Variants in TRAP1 observed in about 807,000 individuals in gnomAD.
The protein encoded by TRAP1 is heat shock protein 75 kDa, mitochondrial.
Under a neutral mutation model 89.1 loss-of-function variants are expected in TRAP1, and 102 were observed. That is an observed-to-expected ratio of 1.15 (90% CI 0.98 to 1.35). The LOEUF (loss-of-function observed/expected upper bound fraction) is 1.35, where lower values mean the gene tolerates loss of function less well. Ranked by LOEUF, TRAP1 falls within the 40% of genes most tolerant of loss-of-function variation. TRAP1 has a pLI of 0.00. For missense variants in TRAP1, 1,256 were observed against 945.3 expected, an observed-to-expected ratio of 1.33 and a Z score of -4.31; for synonymous variants, 508 against 388.0, an observed-to-expected ratio of 1.31 and a Z score of -3.64.
At chr16:3,661,180 T>TA (rs1212852723) in intron 16 of TRAP1, 1 of 152,116 alleles carries the variant, frequency 6.6e-6, no homozygotes, top group African/African-American at 2.4e-5. Context: ...ACCAGAACCC[T>TA]ACAGAGAATG....
intron 1 of TRAP1, among the ~76,000 whole-genome samples, chr16:3,709,909 CA>C (rs1399839041): frequency 1.3e-5 from 2 of 152,308 alleles, no homozygotes; most frequent in East Asian, 3.9e-4. Flanking sequence ...CTCAGCCTGC[CA>C]AAGTGCTGGG....
chr16:3,697,416 G>T (rs1362331931), intron 1 of TRAP1, among the ~76,000 whole-genome samples: 1 of 152,042 alleles, frequency 6.6e-6, no homozygotes, highest in African/African-American at 2.4e-5. Context: ...TGTAATCCCA[G>T]CACTTTGGGA....
rs777291656 is a variant in TRAP1, at chr16:3,664,369, C to T, written c.1474G>A (p.Ala492Thr). The change falls in exon 13 of 18, where the codon GCC becomes ACC. Residue 492 changes from alanine to threonine, a missense_variant. Physicochemically the swap from Ala to Thr is moderately conservative, Grantham distance 58. Transcript: ENST00000246957. ...AGGTAGTAGATGTTGCGGGTGCCGG[C>T]CCGCATGCGGCTGGCGTATTCTGAG... ...SLSEYASRMR[A>T]GTRNIYYLCA... 5.6e-6 allele frequency: 9 copies of T among 1,612,818 alleles called. No homozygotes were observed. Among genetic ancestry groups the T allele is most frequent in the African/African-American group, 2.7e-5 (2 of 74,914 alleles).
intron 9 of TRAP1, 32 bp downstream of exon 9, chr16:3,674,307 C>G: frequency 6.2e-7 from 1 of 1,611,306 alleles, no homozygotes; most frequent in Non-Finnish European, 8.5e-7. Context: ...CAGAGTCACC[C>G]TGAGGGCCGT....
At chr16:3,703,464 C>T (rs552440401) in intron 1 of TRAP1, among the ~76,000 whole-genome samples, 1 of 151,942 alleles carries the variant, frequency 6.6e-6, no homozygotes, top group South Asian at 2.1e-4. Flanking sequence ...GGTAGAACAG[C>T]GGTTTGCACA....
chr16:3,713,280 C>T (rs1374358394), intron 1 of TRAP1, among the ~76,000 whole-genome samples: 1 of 152,144 alleles, frequency 6.6e-6, no homozygotes, highest in Non-Finnish European at 1.5e-5. Flanking sequence ...AGGGAGGAGG[C>T]AAAACCCGTC....
chr16:3,713,321 A>AGCAG (rs1034898844), intron 1 of TRAP1, among the ~76,000 whole-genome samples: 30 of 152,336 alleles, frequency 2.0e-4, no homozygotes, highest in African/African-American at 7.0e-4. Context: ...GGGAGGGCGC[A>AGCAG]GCAGGCAGGC....
chr16:3,669,503 CTAG>C (rs1395961033), intron 11 of TRAP1, among the ~76,000 whole-genome samples: 1 of 152,108 alleles, frequency 6.6e-6, no homozygotes, highest in African/African-American at 2.4e-5. Context: ...AACCCCACCC[CTAG>C]TATTCTATCC....
chr16:3,716,966 A>C (rs1596765691), intron 1 of TRAP1, among the ~76,000 whole-genome samples: 1 of 152,192 alleles, frequency 6.6e-6, no homozygotes, highest in African/African-American at 2.4e-5. Context: ...TTAACAAATG[A>C]ACCCTCAGTG....
rs1366793494 is a variant in TRAP1 at position 3,674,471 on chromosome 16, C to T, written c.912G>A (p.Lys304=). ...CCTCATGTTGCCACTCACGGACATC[C>T]TTGGGGTCCATCATCCAGATGGCCT... The part of the protein sequence containing the change: ...TLQAIWMMDP[K]DVREWQHEEF... Residue 304 remains lysine (K), a synonymous_variant, in exon 9 of 18, where the codon AAG becomes AAA. Transcript: ENST00000246957. The T allele has an allele frequency of 1.9e-6, 3 of 1,613,882 alleles. No individual in the cohort carries two copies. Among genetic ancestry groups the T allele is most frequent in the Admixed American group, 1.7e-5 (1 of 59,990 alleles).
At chr16:3,659,121 G>C (rs1475455296) in intron 16 of TRAP1, 22 of 418,876 alleles carry the variant, frequency 5.3e-5, no homozygotes, top group Non-Finnish European at 9.4e-5. Context: ...AGGGACAAAA[G>C]GAGCTTAGTA....
chr16:3,658,274 C>T, intron 17 of TRAP1, 44 bp from the exon 18 acceptor site: 1 of 1,473,696 alleles, frequency 6.8e-7, no homozygotes. Context: ...GCATGGGGCA[C>T]CTTTTCATTT....
intron 1 of TRAP1, among the ~76,000 whole-genome samples, chr16:3,697,191 A>C (rs1294304696): frequency 6.6e-6 from 1 of 152,174 alleles, no homozygotes; most frequent in Non-Finnish European, 1.5e-5. Flanking sequence ...TGGTCAGATA[A>C]AATTTTCACT....
At chr16:3,672,926 C>T (rs1468468400) in intron 9 of TRAP1, 106 bp from the exon 10 acceptor site, 20 of 1,436,096 alleles carry the variant, frequency 1.4e-5, no homozygotes, top group South Asian at 1.3e-4. Context: ...ACTCCCGCCT[C>T]GCCCTCCCCC....
At chr16:3,711,547 C>T (rs1467933240) in intron 1 of TRAP1, among the ~76,000 whole-genome samples, 2 of 151,296 alleles carry the variant, frequency 1.3e-5, no homozygotes, top group Non-Finnish European at 2.9e-5. Context: ...TGCAGTGAGC[C>T]GAGTTCGTGC....
intron 1 of TRAP1, among the ~76,000 whole-genome samples, chr16:3,710,162 C>T (rs972868698): frequency 1.3e-5 from 2 of 152,142 alleles, no homozygotes; most frequent in Non-Finnish European, 2.9e-5. Flanking sequence ...GAACAAAAAG[C>T]GAAAGGGCAC....
chr16:3,661,789 C>CTCA (rs2043090758), intron 16 of TRAP1, 198 bp downstream of exon 16: 1 of 572,836 alleles, frequency 1.7e-6, no homozygotes, highest in Admixed American at 4.2e-5. Flanking sequence ...TCCCAGGTGA[C>CTCA]ACCTGGGGAT....
At chr16:3,658,423 T>C in intron 17 of TRAP1, 193 bp from the exon 18 acceptor site, 1 of 606,952 alleles carries the variant, frequency 1.6e-6, no homozygotes, top group Non-Finnish European at 2.9e-6. Context: ...CCTGGCCATT[T>C]TTCCGTTTTT....
chr16:3,675,728 AG>A (rs1437677465), intron 7 of TRAP1, among the ~76,000 whole-genome samples: 2 of 152,194 alleles, frequency 1.3e-5, no homozygotes, highest in Non-Finnish European at 2.9e-5. Flanking sequence ...CAAAGAGGGA[AG>A]GCCACGCCCA....
Sources: gnomAD v4.1 joint callset for allele counts (sites outside exome capture counted in the v4.1 genomes callset) on GRCh38, gnomAD v4.1.1 for gene constraint, MANE v1.5 for transcripts, NCBI Gene and HGNC (gene_info 2026-07-23, HGNC 2026-07-21) for gene names.